The following AK5 variants were observed in gnomAD, a reference collection of about 807,000 sequenced individuals.
The protein encoded by AK5 is adenylate kinase isoenzyme 5.
Under a neutral mutation model 69.5 loss-of-function variants are expected in AK5, and 27 were observed. That is an observed-to-expected ratio of 0.39 (90% CI 0.29 to 0.54). The LOEUF is 0.54. Ranked by LOEUF, AK5 falls within the 20% of genes least tolerant of loss-of-function variation. AK5 has a pLI of 0.71. For missense variants in AK5, 531 were observed against 700.4 expected (o/e 0.76, Z 2.73); for synonymous variants, 260 against 244.4 (o/e 1.06, Z -0.60).
chr1:77,518,444 C>G (rs1215056766), intron 10 of AK5, 120 bp from the exon 11 acceptor site: 14 of 1,049,188 alleles, frequency 1.3e-5, no homozygotes, highest in Non-Finnish European at 1.7e-5. Context: ...TATAGCAAAT[C>G]TCAAGTTCCC....
intron 2 of AK5, among the ~76,000 whole-genome samples, chr1:77,292,757 T>C (rs1175262062): frequency 6.6e-6 from 1 of 152,212 alleles, no homozygotes; most frequent in East Asian, 1.9e-4. Flanking sequence ...CTGCATTTCA[T>C]CACCTGTGCT....
intron 6 of AK5, among the ~76,000 whole-genome samples, chr1:77,402,530 G>A (rs1649297500): frequency 1.3e-5 from 2 of 148,908 alleles, no homozygotes; most frequent in African/African-American, 5.0e-5. Flanking sequence ...CCACCTATGA[G>A]TGAGAACATG....
intron 6 of AK5, among the ~76,000 whole-genome samples, chr1:77,355,547 C>T (rs1662467516): frequency 6.6e-6 from 1 of 152,184 alleles, no homozygotes; most frequent in African/African-American, 2.4e-5. Flanking sequence ...CCTCATCACC[C>T]TGTCTTGACC....
intron 2 of AK5, 30 bp from the exon 3 acceptor site, chr1:77,293,763 C>G (rs890931330): frequency 6.4e-7 from 1 of 1,553,832 alleles, no homozygotes; most frequent in Admixed American, 2.1e-5. Flanking sequence ...GGTGTTTTTT[C>G]CTTTTCAAAG....
chr1:77,512,403 C>A (rs969733460), intron 10 of AK5, among the ~76,000 whole-genome samples: 5 of 152,172 alleles, frequency 3.3e-5, no homozygotes, highest in Non-Finnish European at 7.3e-5. Context: ...GACAACGTAA[C>A]TCAGGAAGAG....
chr1:77,456,129 A>G (rs1211436025), intron 8 of AK5, among the ~76,000 whole-genome samples: 1 of 152,174 alleles, frequency 6.6e-6, no homozygotes, highest in Non-Finnish European at 1.5e-5. Context: ...GTCTGTTTGG[A>G]GAAAATGAAC....
At chr1:77,339,859 A>T (rs1234860597) in intron 5 of AK5, among the ~76,000 whole-genome samples, 1 of 151,888 alleles carries the variant, frequency 6.6e-6, no homozygotes, top group Non-Finnish European at 1.5e-5. Context: ...TGACCTCATG[A>T]TTCTCCCGCC....
Position 77,556,848 on chromosome 1 carries a change from A to G in AK5, c.1621-1754A>G, listed in dbSNP as rs571000930. Among the ~76,000 whole-genome samples, 4 of 152,268 alleles carry G rather than the reference A, an allele frequency of 2.6e-5. No individual in the cohort carries two copies. In the South Asian group the frequency reaches 6.2e-4, roughly 24 times the overall value. On this transcript the variant is annotated intron_variant, in intron 13 of 13. Transcript: ENST00000354567. Reference sequence around the variant, plus strand: ...AAATCATGTGGAGAATTTGTTAAATATACAGATTAAAGACCCAGCCCAAAC... The same window carrying G: ...AAATCATGTGGAGAATTTGTTAAATGTACAGATTAAAGACCCAGCCCAAAC...
chr1:77,520,202 C>CAAAA lies in AK5; in HGVS notation c.1311+1491_1311+1494dup, dbSNP rs377135288. On this transcript the variant is annotated intron_variant, in intron 11 of 13. Transcript: ENST00000354567. ...CAGGCAACAGCGTGAAACTCCATCT[C>CAAAA]AAAAAAAAAAAAAAAAAAAGAGAAT... Among the ~76,000 whole-genome samples, 12 of 110,538 alleles carry CAAAA rather than the reference C, an allele frequency of 1.1e-4. 1 individual carries two copies. Among genetic ancestry groups the CAAAA allele is most frequent in the African/African-American group, 1.3e-4 (4 of 29,718 alleles). The allele number at this position is 110,538 out of a possible 152,430, so 72.5% of individuals were successfully genotyped here.
chr1:77,459,426 C>T (rs1273850930), intron 8 of AK5, among the ~76,000 whole-genome samples: 4 of 152,162 alleles, frequency 2.6e-5, no homozygotes, highest in Non-Finnish European at 5.9e-5. Context: ...ACCACTACCC[C>T]AGTAGACTGG....
chr1:77,430,308 C>T, intron 8 of AK5, among the ~76,000 whole-genome samples: 1 of 152,030 alleles, frequency 6.6e-6, no homozygotes, highest in Non-Finnish European at 1.5e-5. Context: ...GATATGGGAG[C>T]CAACAGGGGG....
rs140599707 is a variant in AK5, at chr1:77,398,106, T to A, written c.892-12875T>A. 4.8e-3 allele frequency among the ~76,000 whole-genome samples: 735 copies of A among 151,938 alleles called. 4 individuals carry two copies. Among genetic ancestry groups the A allele is most frequent in the African/African-American group, 0.017 (703 of 41,372 alleles). On this transcript the variant is annotated intron_variant, in intron 6 of 13. Transcript: ENST00000354567. Reference sequence around the variant, plus strand: ...AACTGACCATATTTGGCCATGGTAGTTAACGTCAAAATTGCAGGAGATAAA... The same window carrying A: ...AACTGACCATATTTGGCCATGGTAGATAACGTCAAAATTGCAGGAGATAAA...
chr1:77,324,552 T>A (rs1421844343), intron 5 of AK5, among the ~76,000 whole-genome samples: 1 of 152,198 alleles, frequency 6.6e-6, no homozygotes, highest in Non-Finnish European at 1.5e-5. Context: ...TTAGTAATGA[T>A]GATTCTCTGC....
intron 6 of AK5, among the ~76,000 whole-genome samples, chr1:77,397,786 C>T (rs1648930347): frequency 1.3e-5 from 2 of 152,130 alleles, no homozygotes; most frequent in Non-Finnish European, 2.9e-5. Context: ...CCTGTAGCCC[C>T]AGCTACTCAG....
intron 8 of AK5, among the ~76,000 whole-genome samples, chr1:77,418,854 A>G (rs1413274898): frequency 6.6e-6 from 1 of 152,188 alleles, no homozygotes; most frequent in Non-Finnish European, 1.5e-5. Context: ...TTTCTTGAGT[A>G]TAAAGTTCTT....
chr1:77,522,657 A>G (rs1658056887), intron 12 of AK5, among the ~76,000 whole-genome samples: 1 of 152,036 alleles, frequency 6.6e-6, no homozygotes, highest in Non-Finnish European at 1.5e-5. Flanking sequence ...CTCACAGGGG[A>G]GCAGCAGTAA....
chr1:77,445,643 G>A lies in AK5; in HGVS notation c.1059+27928G>A, dbSNP rs578035937. On this transcript the variant is annotated intron_variant, in intron 8 of 13. Transcript: ENST00000354567. ...TTTGTCACCCAGGCTGGAGTGCAGTGGCATGATCTCAGCTCACTGCAACCT... is the reference window on the plus strand; with the variant it reads ...TTTGTCACCCAGGCTGGAGTGCAGTAGCATGATCTCAGCTCACTGCAACCT... Among the ~76,000 whole-genome samples, 307 of 152,272 alleles carry A rather than the reference G, an allele frequency of 2.0e-3. 1 individual carries two copies. The highest frequency in any genetic ancestry group is 3.6e-3 in the Non-Finnish European group (247 of 68,016).
chr1:77,384,229 G>A (rs539207418), intron 6 of AK5, among the ~76,000 whole-genome samples: 147 of 152,216 alleles, frequency 9.7e-4, no homozygotes, highest in African/African-American at 3.2e-3. Flanking sequence ...ACTCTACAGC[G>A]ACAGAGCTGT....
intron 8 of AK5, among the ~76,000 whole-genome samples, chr1:77,431,992 G>C (rs1191744097): frequency 6.6e-6 from 1 of 152,164 alleles, no homozygotes; most frequent in Non-Finnish European, 1.5e-5. Context: ...TTTGTGTGAA[G>C]TTGTAGTTTT....
Sources: gnomAD v4.1 joint callset for allele counts (sites outside exome capture counted in the v4.1 genomes callset) on GRCh38, gnomAD v4.1.1 for gene constraint, MANE v1.5 for transcripts, NCBI Gene and HGNC (gene_info 2026-07-23, HGNC 2026-07-21) for gene names.